FSCN1: variants seen among roughly 807,000 people sequenced by gnomAD.
FSCN1 encodes fascin.
FSCN1 carries 10 observed loss-of-function variants against 39.7 expected under a neutral mutation model. That is an observed-to-expected ratio of 0.25 (90% CI 0.16 to 0.43). FSCN1 has a LOEUF of 0.43. Among genes scored for constraint, FSCN1 ranks in the 20% least tolerant of loss-of-function variants. FSCN1 has a pLI of 1.00. For synonymous variants in FSCN1, 322 were observed against 320.0 expected (o/e 1.01, Z -0.07); for missense variants, 525 against 723.8 (o/e 0.73, Z 3.15).
Position 5,593,187 on chromosome 7 carries a change from T to G in FSCN1, c.251T>G (p.Val84Gly), listed in dbSNP as rs746628922. Reference sequence around the variant, plus strand: ...GGCAACGTGACCTGCGAGCGCGAGGTGCCCGGTCCCGACTGCCGTTTCCTC... The same window carrying G: ...GGCAACGTGACCTGCGAGCGCGAGGGGCCCGGTCCCGACTGCCGTTTCCTC... ...KDGNVTCERE[V>G]PGPDCRFLIV... is the part of the protein sequence containing the mutation. Residue 84 changes from valine to glycine, a missense_variant, in exon 1 of 5, where the codon GTG becomes GGG. By Grantham distance (109) the Val-to-Gly change is moderately radical (BLOSUM62 -3). This residue lies in a region of FSCN1 where 246 missense variants were observed against 350.6 expected (regional missense o/e 0.70). Transcript: ENST00000382361. 4.4e-6 allele frequency: 7 copies of G among 1,602,124 alleles called. No homozygotes were observed. In the South Asian group the frequency reaches 7.8e-5, roughly 18 times the overall value.
Position 5,602,184 on chromosome 7 carries a change from G to C in FSCN1, c.833-1073G>C, listed in dbSNP as rs1182558672. ...GCCTCCCAAACTGCTGGGATTACAGGTGTGAGCCACTGTGCCTGGCCCCTT... is the reference window on the plus strand; with the variant it reads ...GCCTCCCAAACTGCTGGGATTACAGCTGTGAGCCACTGTGCCTGGCCCCTT... On this transcript the variant is annotated intron_variant, in intron 1 of 4. Transcript: ENST00000382361. Among the ~76,000 whole-genome samples, 11 of 151,054 alleles carry C rather than the reference G, an allele frequency of 7.3e-5. No homozygotes were observed. In the East Asian group the frequency reaches 2.1e-3, roughly 29 times the overall value.
At position 5,592,820 on chromosome 7, in the gene FSCN1, A is replaced by G. The variant is rs1355813920; in HGVS notation, c.-117A>G. 2 of 611,592 alleles carry G rather than the reference A, an allele frequency of 3.3e-6. No individual in the cohort carries two copies. Among genetic ancestry groups the G allele is most frequent in the Non-Finnish European group, 5.5e-6 (2 of 360,896 alleles). 37.9% of individuals were successfully genotyped at this position (611,592 alleles called of 1,614,324 possible). A position where few individuals can be genotyped will look rare whatever the true frequency, so the allele number is the denominator to read the frequency against. Reference sequence around the variant, plus strand: ...GGGCGCCGCTAGCTGGGCTTTGTGGAGCGCTGCGGAGGGTGCGTGCGGGCC... The same window carrying G: ...GGGCGCCGCTAGCTGGGCTTTGTGGGGCGCTGCGGAGGGTGCGTGCGGGCC... On this transcript the variant is annotated 5_prime_UTR_variant, in exon 1 of 5. Coordinates refer to ENST00000382361, the MANE Select transcript of FSCN1 (RefSeq NM_003088.4). This position sits in a 1 kb window ranked among gnomAD's most constrained non-coding sequence, Gnocchi z 5.3.
chr7:5,592,993 C>T lies in FSCN1; in HGVS notation c.57C>T (p.Cys19=). The T allele has an allele frequency of 3.1e-6, 5 of 1,594,358 alleles. No homozygotes were observed. Among genetic ancestry groups the T allele is most frequent in the South Asian group, 1.1e-5 (1 of 88,682 alleles). Residue 19 remains cysteine (C), a synonymous_variant, in exon 1 of 5, where the codon TGC becomes TGT. Coordinates refer to ENST00000382361, the MANE Select transcript of FSCN1 (RefSeq NM_003088.4). This position sits in a 1 kb window ranked among gnomAD's most constrained non-coding sequence, Gnocchi z 5.3. ...AVQIQFGLIN[C]GNKYLTAEAF... ...AGATCCAGTTCGGCCTCATCAACTG[C>T]GGCAACAAGTACCTGACGGCCGAGG...
intron 1 of FSCN1, chr7:5,594,027 C>G: frequency 2.0e-6 from 1 of 510,084 alleles, no homozygotes; most frequent in Non-Finnish European, 3.4e-6. Context: ...GAGTCGCAAC[C>G]GTACGTGCAC....
chr7:5,594,677 CG>C (rs1184094416), intron 1 of FSCN1: 8 of 152,042 alleles, frequency 5.3e-5, no homozygotes, highest in Admixed American at 5.2e-4. Flanking sequence ...GCGCGGATGG[CG>C]GCCCTCCAGG....
Position 5,593,355 on chromosome 7 carries a change from C to G in FSCN1, c.419C>G (p.Pro140Arg). 1 of 1,612,400 alleles carries G rather than the reference C, an allele frequency of 6.2e-7. No homozygotes were observed. Among genetic ancestry groups the G allele is most frequent in the African/African-American group, 1.3e-5 (1 of 75,052 alleles). Residue 140 changes from proline (P) to arginine (R), a missense_variant, in exon 1 of 5, where the codon CCT becomes CGT. By Grantham distance (103) the Pro-to-Arg change is moderately radical (BLOSUM62 -2). Transcript: ENST00000382361. The part of the protein sequence containing the change: ...EKWSVHIAMH[P>R]QVNIYSVTRK... ...TGGAGCGTGCACATCGCCATGCACC[C>G]TCAGGTCAACATCTACAGCGTCACC...
Position 5,592,929 on chromosome 7 carries a change from C to T in FSCN1, c.-8C>T, listed in dbSNP as rs1053388106. On this transcript the variant is annotated 5_prime_UTR_variant, in exon 1 of 5. Coordinates refer to ENST00000382361, the MANE Select transcript of FSCN1 (RefSeq NM_003088.4). The surrounding 1 kb of genome is among the most constrained non-coding windows in gnomAD (Gnocchi z 5.3). ...GGGCCGCGCAGCGGCCTCTCGTCTA[C>T]TGCCACCATGACCGCCAACGGCACA... 1.3e-6 allele frequency: 2 copies of T among 1,496,714 alleles called. No individual in the cohort carries two copies. Among genetic ancestry groups the T allele is most frequent in the African/African-American group, 1.4e-5 (1 of 71,094 alleles). The allele number at this position is 1,496,714 out of a possible 1,614,324, so 92.7% of individuals were successfully genotyped here. A position where few individuals can be genotyped will look rare whatever the true frequency, so the allele number is the denominator to read the frequency against.
chr7:5,603,854 C>G lies in FSCN1; in HGVS notation c.1112-9C>G, dbSNP rs1223271506. The G allele has an allele frequency of 1.9e-6, 3 of 1,610,378 alleles. No individual in the cohort carries two copies. The highest frequency in any genetic ancestry group is 1.7e-6 in the Non-Finnish European group (2 of 1,177,640). The stretch of plus-strand genomic sequence containing the variant: ...AGGAGGCTCACTGACTCCCCTCTTT[C>G]TGGGACAGGGGACTCAGAGCTCTTC... On this transcript the variant is annotated splice_polypyrimidine_tract_variant and intron_variant, in intron 3 of 4. Coordinates refer to ENST00000382361, the MANE Select transcript of FSCN1 (RefSeq NM_003088.4). This position sits in a 1 kb window ranked among gnomAD's most constrained non-coding sequence, Gnocchi z 8.5.
Position 5,605,407 on chromosome 7 carries a change from G to A in FSCN1, c.1415G>A (p.Gly472Asp). 1 of 1,613,028 alleles carries A rather than the reference G, an allele frequency of 6.2e-7. No homozygotes were observed. Among genetic ancestry groups the A allele is most frequent in the Non-Finnish European group, 8.5e-7 (1 of 1,179,630 alleles). ...AAGGTGGGCGGGCGCTACCTGAAGG[G>A]CGACCACGCAGGCGTCCTGAAGGCC... ...AIKVGGRYLK[G>D]DHAGVLKASA... The change falls in exon 5 of 5, where the codon GGC (glycine) becomes GAC (aspartate). Residue 472 changes from glycine (G) to aspartate (D), a missense_variant. Transcript: ENST00000382361. The surrounding 1 kb of genome is among the most constrained non-coding windows in gnomAD (Gnocchi z 6.9).
chr7:5,604,416 C>T (rs1180602306), intron 4 of FSCN1, among the ~76,000 whole-genome samples: 5 of 152,016 alleles, frequency 3.3e-5, no homozygotes, highest in African/African-American at 1.2e-4. Context: ...GGGACTGGAG[C>T]CCCTTCCCAG....
At position 5,599,485 on chromosome 7, in the gene FSCN1, A is replaced by G. The variant is rs372985478; in HGVS notation, c.833-3772A>G. Among the ~76,000 whole-genome samples, 4 of 152,174 alleles carry G rather than the reference A, an allele frequency of 2.6e-5. No homozygotes were observed. Among genetic ancestry groups the G allele is most frequent in the African/African-American group, 9.7e-5 (4 of 41,432 alleles). Reference sequence around the variant, plus strand: ...GGATGAAGATCCCCACCTGTGGAGCAGATGTGGGGCTGCATGGTTGGGTCA... The same window carrying G: ...GGATGAAGATCCCCACCTGTGGAGCGGATGTGGGGCTGCATGGTTGGGTCA... On this transcript the variant is annotated intron_variant, in intron 1 of 4. Coordinates refer to ENST00000382361, the MANE Select transcript of FSCN1 (RefSeq NM_003088.4). This position sits in a 1 kb window ranked among gnomAD's most constrained non-coding sequence, Gnocchi z 5.6.
rs772875708 is a variant in FSCN1 at position 5,604,026 on chromosome 7, C to T, written c.1275C>T (p.Ile425=). Residue 425 remains isoleucine, a synonymous_variant, in exon 4 of 5, where the codon ATC becomes ATT. Coordinates refer to ENST00000382361, the MANE Select transcript of FSCN1 (RefSeq NM_003088.4). ...QLEFNDGAYN[I]KDSTGKYWTV... The stretch of plus-strand genomic sequence containing the variant: ...AGTTCAACGATGGCGCCTACAACAT[C>T]AAAGGCAGGTTCTCCTGTGGGCAGC... 1.7e-5 allele frequency: 27 copies of T among 1,613,152 alleles called. No individual in the cohort carries two copies. The highest frequency in any genetic ancestry group is 3.3e-5 in the South Asian group (3 of 91,062).
chr7:5,595,504 G>C (rs116351730), intron 1 of FSCN1, among the ~76,000 whole-genome samples: 2 of 152,174 alleles, frequency 1.3e-5, no homozygotes, highest in South Asian at 2.1e-4. Flanking sequence ...GGGACATTAC[G>C]AAGTGTCAAG....
intron 1 of FSCN1, among the ~76,000 whole-genome samples, chr7:5,600,948 C>T (rs1054087489): frequency 7.5e-6 from 1 of 132,522 alleles, no homozygotes; most frequent in Non-Finnish European, 1.6e-5. Flanking sequence ...GCCACCTTGC[C>T]TGGTCCTTTT....
rs1420890769 is a variant in FSCN1, at chr7:5,593,415, C to A, written c.479C>A (p.Ala160Asp). 2.5e-6 allele frequency: 4 copies of A among 1,612,054 alleles called. No homozygotes were observed. The highest frequency in any genetic ancestry group is 2.5e-6 in the Non-Finnish European group (3 of 1,179,766). ...KRYAHLSARPADEIAVDRDVP... is the reference protein window; with the variant it reads ...KRYAHLSARPDDEIAVDRDVP... ...TACGCGCACCTGAGCGCGCGGCCGG[C>A]CGACGAGATCGCCGTGGACCGCGAC... The change falls in exon 1 of 5, where the codon GCC becomes GAC. Residue 160 changes from alanine (A) to aspartate (D), a missense_variant. Ala to Asp is a moderately radical substitution (Grantham distance 126). Transcript: ENST00000382361.
rs1584303855 is a variant in FSCN1 at position 5,603,203 on chromosome 7, C to T, written c.833-54C>T. 1 of 1,595,588 alleles carries T rather than the reference C, an allele frequency of 6.3e-7. No homozygotes were observed. Among genetic ancestry groups the T allele is most frequent in the Non-Finnish European group, 8.5e-7 (1 of 1,169,658 alleles). On this transcript the variant is annotated intron_variant, in intron 1 of 4. Transcript: ENST00000382361. This position sits in a 1 kb window ranked among gnomAD's most constrained non-coding sequence, Gnocchi z 8.5. Reference sequence around the variant, plus strand: ...TCTGTGAGCTCAGGGCTATGGTCTGCCAGAACTAGGGGGCGTGGGGCCCCA... The same window carrying T: ...TCTGTGAGCTCAGGGCTATGGTCTGTCAGAACTAGGGGGCGTGGGGCCCCA...
rs1225416683 is a variant in FSCN1, at chr7:5,606,171, TC to T, written c.*699del. ...GCGGGTAGGGGTGTGGGGGCCGTCT[TC>T]CTCCTGTCTCTTTCCTTTCACCCTA... On this transcript the variant is annotated 3_prime_UTR_variant, in exon 5 of 5. Coordinates refer to ENST00000382361, the MANE Select transcript of FSCN1 (RefSeq NM_003088.4). This position sits in a 1 kb window ranked among gnomAD's most constrained non-coding sequence, Gnocchi z 5.1. 1 of 152,072 alleles carries T rather than the reference TC, an allele frequency of 6.6e-6. No individual in the cohort carries two copies. The highest frequency in any genetic ancestry group is 1.5e-5 in the Non-Finnish European group (1 of 68,004). The allele number at this position is 152,072 out of a possible 1,614,324, so 9.4% of individuals were successfully genotyped here.
In FSCN1 at chr7:5,603,422, C is replaced by G; in HGVS notation, c.989+9C>G. On this transcript the variant is annotated intron_variant, in intron 2 of 4. Coordinates refer to ENST00000382361, the MANE Select transcript of FSCN1 (RefSeq NM_003088.4). This position sits in a 1 kb window ranked among gnomAD's most constrained non-coding sequence, Gnocchi z 8.5. ...TCCACCGCCTCCAGCAAGTGAGTGCCTCGCTCCCACCTGTCACCGCCCCCA... is the reference window on the plus strand; with the variant it reads ...TCCACCGCCTCCAGCAAGTGAGTGCGTCGCTCCCACCTGTCACCGCCCCCA... 1 of 1,613,792 alleles carries G rather than the reference C, an allele frequency of 6.2e-7. No homozygotes were observed. The highest frequency in any genetic ancestry group is 8.5e-7 in the Non-Finnish European group (1 of 1,179,996).
rs573383277 is a variant in FSCN1 at position 5,603,730 on chromosome 7, C to T, written c.1111+113C>T. 36 of 1,525,014 alleles carry T rather than the reference C, an allele frequency of 2.4e-5. No individual in the cohort carries two copies. The highest frequency in any genetic ancestry group is 4.1e-5 in the African/African-American group (3 of 72,964). The allele number at this position is 1,525,014 out of a possible 1,614,324, so 94.5% of individuals were successfully genotyped here. A position where few individuals can be genotyped will look rare whatever the true frequency, so the allele number is the denominator to read the frequency against. Reference sequence around the variant, plus strand: ...GCCTGCTCTGTGCTGGGCATCCCCCCGGACTGGCCCCGCACTGTCCTACCC... The same window carrying T: ...GCCTGCTCTGTGCTGGGCATCCCCCTGGACTGGCCCCGCACTGTCCTACCC... On this transcript the variant is annotated intron_variant, in intron 3 of 4. Coordinates refer to ENST00000382361, the MANE Select transcript of FSCN1 (RefSeq NM_003088.4). The surrounding 1 kb of genome is among the most constrained non-coding windows in gnomAD (Gnocchi z 8.5).
Sources: allele counts gnomAD v4.1 joint callset (sites outside exome capture counted in the v4.1 genomes callset), GRCh38; gene constraint gnomAD v4.1.1; regional missense constraint gnomAD v4.1.1; non-coding constraint Gnocchi (gnomAD v3.1); transcripts MANE v1.5; gene names NCBI Gene and HGNC (gene_info 2026-07-23, HGNC 2026-07-21).